TPI1: variants seen among roughly 807,000 people sequenced by gnomAD.
The protein encoded by TPI1 is triosephosphate isomerase.
In TPI1, 11 loss-of-function variants were observed where a neutral mutation model predicts 31.0. That is an observed-to-expected ratio of 0.36 (90% confidence interval 0.22 to 0.59). The LOEUF (loss-of-function observed/expected upper bound fraction) is 0.59, where lower values mean the gene tolerates loss of function less well. Ranked by LOEUF, TPI1 falls within the 20% of genes least tolerant of loss-of-function variation. TPI1 has a pLI of 0.79. For missense variants in TPI1, 245 were observed against 319.7 expected, an observed-to-expected ratio of 0.77 and a Z score of 1.78; for synonymous variants, 121 against 122.8, an observed-to-expected ratio of 0.99 and a Z score of 0.10.
rs1018186841 is a variant in TPI1, at chr12:6,870,582, C to T, written c.*199C>T. On this transcript the variant is annotated 3_prime_UTR_variant, in exon 7 of 7. Transcript: ENST00000396705. ...ACCAGGCCAATCCCTTCTCCACTTA[C>T]TATAATGGTTGGAACTAAACGTCAC... The T allele has an allele frequency of 1.3e-6, 1 of 748,976 alleles. No homozygotes were observed. Among genetic ancestry groups the T allele is most frequent in the Non-Finnish European group, 2.5e-6 (1 of 404,508 alleles). The allele number at this position is 748,976 out of a possible 1,614,324, so 46.4% of individuals were successfully genotyped here. A position where few individuals can be genotyped will look rare whatever the true frequency, so the allele number is the denominator to read the frequency against.
At chr12:6,867,495 G>A (rs782716538), upstream of TPI1, 3 of 1,555,350 alleles carry the variant, frequency 1.9e-6, no homozygotes, top group Non-Finnish European at 2.6e-6. Context: ...CCACTTCGCG[G>A]CGCTCTATAT....
chr12:6,869,780 G>A lies in TPI1; in HGVS notation c.543+7G>A, dbSNP rs909426007. On this transcript the variant is annotated splice_region_variant and intron_variant, in intron 5 of 6. Transcript: ENST00000396705. ...GACTGCAACACCCCAACAGGTAACC[G>A]GGCCCAGGAGCCCTGCCCTCATCCC... 15 of 1,614,096 alleles carry A rather than the reference G, an allele frequency of 9.3e-6. No individual in the cohort carries two copies. The highest frequency in any genetic ancestry group is 2.2e-5 in the East Asian group (1 of 44,884).
chr12:6,869,803 C>T, intron 5 of TPI1, 30 bp downstream of exon 5: 1 of 1,610,838 alleles, frequency 6.2e-7, no homozygotes, highest in Non-Finnish European at 8.5e-7. Context: ...CTGCCCTCAT[C>T]CCAGCCTGCC....
intron 1 of TPI1, 190 bp from the exon 2 acceptor site, chr12:6,868,674 C>A (rs187635394): frequency 3.0e-4 from 403 of 1,338,940 alleles, no homozygotes; most frequent in Non-Finnish European, 4.0e-4. Context: ...CTGGAAGGCT[C>A]TTCGAGTTGA....
At chr12:6,867,829 G>A in intron 1 of TPI1, 148 bp downstream of exon 1, 1 of 898,074 alleles carries the variant, frequency 1.1e-6, no homozygotes, top group Non-Finnish European at 1.6e-6. Context: ...GCTGGGGTCC[G>A]GGCAGGGGCC....
At chr12:6,868,399 G>T in intron 1 of TPI1, 1 of 1,288,486 alleles carries the variant, frequency 7.8e-7, no homozygotes, top group Non-Finnish European at 1.0e-6. Flanking sequence ...AGAGCCGCGG[G>T]CCTGATCCAA....
rs782478123 is a variant in TPI1 at position 6,870,214 on chromosome 12, G to A, written c.632-51G>A. The A allele has an allele frequency of 5.7e-6, 9 of 1,592,462 alleles. No individual in the cohort carries two copies. The Admixed American group carries it at 1.3e-4, about 24-fold the overall frequency. ...GCCCTCGGACATGGAGGTGGGGATG[G>A]GGCAGACTCATCCCATTCTTGACCA... is the stretch of plus-strand genomic sequence containing the variant. On this transcript the variant is annotated intron_variant, in intron 6 of 6. Transcript: ENST00000396705.
chr12:6,868,815 TGAAG>T, intron 1 of TPI1, 45 bp from the exon 2 acceptor site: 1 of 1,588,250 alleles, frequency 6.3e-7, no homozygotes, highest in Non-Finnish European at 8.6e-7. Flanking sequence ...TTGTGGGGAA[TGAAG>T]GCTTTCTTTA....
At chr12:6,867,435 C>A, upstream of TPI1, 1 of 1,480,898 alleles carries the variant, frequency 6.8e-7, no homozygotes, top group Non-Finnish European at 9.0e-7. Flanking sequence ...GGGGGCAGGG[C>A]TCCGGGGGAC....
chr12:6,868,438 A>G (rs1555131917), intron 1 of TPI1: 5 of 1,289,572 alleles, frequency 3.9e-6, no homozygotes, highest in Non-Finnish European at 4.0e-6. Context: ...TTCATTCCCC[A>G]GAGGCCTCAA....
chr12:6,869,622 C>G, intron 4 of TPI1, 66 bp from the exon 5 acceptor site: 1 of 1,587,904 alleles, frequency 6.3e-7, no homozygotes, highest in Non-Finnish European at 8.6e-7. Context: ...CTTCGTACTC[C>G]GGAGAACCTG....
rs1160785291 is a variant in TPI1, at chr12:6,867,632, G to A, written c.66G>A (p.Leu22=). 5.0e-6 allele frequency: 8 copies of A among 1,612,714 alleles called. No individual in the cohort carries two copies. Among genetic ancestry groups the A allele is most frequent in the Non-Finnish European group, 6.8e-6 (8 of 1,179,638 alleles). The part of the protein sequence containing the change: ...NWKMNGRKQS[L]GELIGTLNAA... ...AGATGAACGGGCGGAAGCAGAGTCT[G>A]GGGGAGCTCATCGGCACTCTGAACG... The change falls in exon 1 of 7, where the codon CTG becomes CTA. Residue 22 remains leucine, a synonymous_variant. Coordinates refer to ENST00000396705, the MANE Select transcript of TPI1 (RefSeq NM_000365.6).
chr12:6,867,681 G>A lies in TPI1; in HGVS notation c.115G>A (p.Glu39Lys), dbSNP rs781862806. 1 of 1,606,700 alleles carries A rather than the reference G, an allele frequency of 6.2e-7. No homozygotes were observed. The highest frequency in any genetic ancestry group is 8.5e-7 in the Non-Finnish European group (1 of 1,176,580). ...CGCGGCCAAGGTGCCGGCCGACACCGGTAAGCCCTCGCCGAGGAGGGGTCT... is the reference window on the plus strand; with the variant it reads ...CGCGGCCAAGGTGCCGGCCGACACCAGTAAGCCCTCGCCGAGGAGGGGTCT... The part of the protein sequence containing the change: ...LNAAKVPADT[E>K]VVCAPPTAYI... Residue 39 changes from glutamate to lysine, a missense_variant and splice_region_variant, in exon 1 of 7, where the codon GAG becomes AAG. Transcript: ENST00000396705.
At chr12:6,868,631 G>A in intron 1 of TPI1, 1 of 1,354,206 alleles carries the variant, frequency 7.4e-7, no homozygotes, top group Non-Finnish European at 9.8e-7. Context: ...AAGAGCAGAG[G>A]GCAGGGTGAG....
chr12:6,869,036 T>A (rs72661105), intron 2 of TPI1, 49 bp downstream of exon 2: 180 of 1,613,982 alleles, frequency 1.1e-4, no homozygotes, highest in Non-Finnish European at 7.7e-5. Context: ...CTCACTTTCC[T>A]CGTTGAGGGG....
In TPI1 at chr12:6,868,243, G is replaced by A. The variant is rs1351090266; in HGVS notation, c.115+562G>A. 6 of 1,287,580 alleles carry A rather than the reference G, an allele frequency of 4.7e-6. No homozygotes were observed. The East Asian group carries it at 2.2e-4, about 48-fold the overall frequency. The allele number at this position is 1,287,580 out of a possible 1,614,324, so 79.8% of individuals were successfully genotyped here. A position where few individuals can be genotyped will look rare whatever the true frequency, so the allele number is the denominator to read the frequency against. Reference sequence around the variant, plus strand: ...GGACCGAGCCCGTGCCAAACAGGCTGAGCGATTTGGGAGTGAGGAGCCATC... The same window carrying A: ...GGACCGAGCCCGTGCCAAACAGGCTAAGCGATTTGGGAGTGAGGAGCCATC... On this transcript the variant is annotated intron_variant, in intron 1 of 6. Coordinates refer to ENST00000396705, the MANE Select transcript of TPI1 (RefSeq NM_000365.6).
At position 6,870,094 on chromosome 12, in the gene TPI1, G is replaced by T. The variant is rs782801396; in HGVS notation, c.589G>T (p.Val197Phe). ...EKLRGWLKSN[V>F]SDAVAQSTRI... is the part of the protein sequence containing the mutation. ...GCTCCGAGGATGGCTGAAGTCCAAC[G>T]TCTCTGATGCGGTGGCTCAGAGCAC... The change falls in exon 6 of 7, where the codon GTC (valine) becomes TTC (phenylalanine). Residue 197 changes from valine to phenylalanine, a missense_variant. By Grantham distance (50) the Val-to-Phe change is conservative. This residue lies in a region of TPI1 where 127 missense variants were observed against 163.7 expected (regional missense o/e 0.78). Transcript: ENST00000396705. The T allele has an allele frequency of 4.3e-6, 7 of 1,614,194 alleles. No homozygotes were observed. Among genetic ancestry groups the T allele is most frequent in the Non-Finnish European group, 5.9e-6 (7 of 1,180,032 alleles).
Position 6,870,542 on chromosome 12 carries a change from C to T in TPI1, c.*159C>T, listed in dbSNP as rs1555132772. ...CTTCCTTTACTGTTTATATCTTCAC[C>T]CTGTAATGGTTGGGACCAGGCCAAT... On this transcript the variant is annotated 3_prime_UTR_variant, in exon 7 of 7. Coordinates refer to ENST00000396705, the MANE Select transcript of TPI1 (RefSeq NM_000365.6). The T allele has an allele frequency of 2.6e-6, 2 of 779,142 alleles. No homozygotes were observed. Among genetic ancestry groups the T allele is most frequent in the Admixed American group, 1.7e-5 (1 of 58,800 alleles). The allele number at this position is 779,142 out of a possible 1,614,324, so 48.3% of individuals were successfully genotyped here.
chr12:6,867,518 G>A, upstream of TPI1: 10 of 1,592,928 alleles, frequency 6.3e-6, no homozygotes, highest in Non-Finnish European at 8.5e-6. Flanking sequence ...GTGGGCAGTG[G>A]CCGCGACTGC....
Sources: allele counts gnomAD v4.1 joint callset, GRCh38; gene constraint gnomAD v4.1.1; regional missense constraint gnomAD v4.1.1; transcripts MANE v1.5; gene names NCBI Gene and HGNC (gene_info 2026-07-23, HGNC 2026-07-21).